Variants in GALNTL6 observed in about 807,000 individuals in gnomAD.
GALNTL6 encodes the protein polypeptide N-acetylgalactosaminyltransferase like 6, also known as polypeptide N-acetylgalactosaminyltransferase-like 6.
In GALNTL6, 46 loss-of-function variants were observed where a neutral mutation model predicts 73.7. The observed-to-expected ratio is 0.62, with a 90% CI of 0.49 to 0.80. The LOEUF is 0.80. Ranked by LOEUF, GALNTL6 falls within the 30% of genes least tolerant of loss-of-function variation. The probability of loss-of-function intolerance (pLI) is 0.00; values close to 1 mark genes in which losing one functional copy is unlikely to be tolerated. For synonymous variants in GALNTL6, 259 were observed against 263.7 expected (o/e 0.98, Z 0.17); for missense variants, 604 against 755.0 (o/e 0.80, Z 2.34).
At chr4:172,727,883 A>G (rs545065550) in intron 5 of GALNTL6, among the ~76,000 whole-genome samples, 1 of 151,166 alleles carries the variant, frequency 6.6e-6, no homozygotes, top group Non-Finnish European at 1.5e-5. Context: ...TTGTTTTTTT[A>G]TTGAGGTAAA....
At chr4:172,116,794 T>C (rs938044371) in intron 2 of GALNTL6, among the ~76,000 whole-genome samples, 3 of 152,196 alleles carry the variant, frequency 2.0e-5, no homozygotes, top group African/African-American at 7.2e-5. Flanking sequence ...TGAAAATATT[T>C]AGAAAATTTA....
At chr4:172,095,382 G>C (rs17058045) in intron 2 of GALNTL6, among the ~76,000 whole-genome samples, 5,019 of 152,076 alleles carry the variant, frequency 0.033, 272 homozygotes, top group African/African-American at 0.11. Flanking sequence ...GTGTACGAAG[G>C]GATGCAATAG....
At chr4:172,389,494 T>G (rs1743585974) in intron 5 of GALNTL6, among the ~76,000 whole-genome samples, 2 of 152,084 alleles carry the variant, frequency 1.3e-5, no homozygotes, top group African/African-American at 2.4e-5. Context: ...AAGTCGTGAA[T>G]GTAAATAAAA....
intron 8 of GALNTL6, among the ~76,000 whole-genome samples, chr4:172,884,072 C>CA (rs1462990445): frequency 3.3e-5 from 5 of 151,956 alleles, no homozygotes; most frequent in Non-Finnish European, 5.9e-5. Flanking sequence ...ACCATTGTCA[C>CA]AAAAAAATGG....
At chr4:172,702,504 C>T (rs1158951702) in intron 5 of GALNTL6, among the ~76,000 whole-genome samples, 2 of 151,856 alleles carry the variant, frequency 1.3e-5, no homozygotes, top group Non-Finnish European at 2.9e-5. Context: ...CCCACCCCGA[C>T]CCCCTCAAAA....
Position 172,336,270 on chromosome 4 carries a change from G to GTTTTTTTTTTTTTTT in GALNTL6, c.387-12249_387-12248insTTTTTTTTTTTTTTT, listed in dbSNP as rs138448149. 1.2e-4 allele frequency among the ~76,000 whole-genome samples: 13 copies of GTTTTTTTTTTTTTTT among 108,434 alleles called. 4 individuals are homozygous for GTTTTTTTTTTTTTTT. The highest frequency in any genetic ancestry group is 5.7e-4 in the East Asian group (2 of 3,496). 71.1% of individuals were successfully genotyped at this position (108,434 alleles called of 152,430 possible). A position where few individuals can be genotyped will look rare whatever the true frequency, so the allele number is the denominator to read the frequency against. On this transcript the variant is annotated intron_variant, in intron 4 of 12. Transcript: ENST00000506823. ...TGAGAACTCTTCTTGGTATAGTTTT[G>GTTTTTTTTTTTTTTT]TTTTGTTTTTTTTTTTTTTTGACTG...
rs566505962 is a variant in GALNTL6, at chr4:172,114,845, G to A, written c.139-114811G>A. 5.3e-4 allele frequency among the ~76,000 whole-genome samples: 80 copies of A among 151,992 alleles called. No homozygotes were observed. The South Asian group carries it at 0.016, about 31-fold the overall frequency. ...CTAGAGATAGAGATAAACTTTGCTC[G>A]AACCTCCAAATTTTATTACATACGA... is the stretch of plus-strand genomic sequence containing the variant. On this transcript the variant is annotated intron_variant, in intron 2 of 12. Coordinates refer to ENST00000506823, the MANE Select transcript of GALNTL6 (RefSeq NM_001034845.3).
intron 2 of GALNTL6, among the ~76,000 whole-genome samples, chr4:172,081,820 T>C (rs888410300): frequency 2.6e-5 from 4 of 151,688 alleles, no homozygotes; most frequent in Non-Finnish European, 5.9e-5. Context: ...TGGTGGATAA[T>C]GGAGAGAAGT....
chr4:171,946,841 T>C (rs139370380), intron 2 of GALNTL6, among the ~76,000 whole-genome samples: 32 of 151,308 alleles, frequency 2.1e-4, no homozygotes, highest in African/African-American at 7.5e-4. Flanking sequence ...GAAGAGAAGG[T>C]CTAGAACAAC....
chr4:172,122,827 C>G (rs1733188960), intron 2 of GALNTL6, among the ~76,000 whole-genome samples: 1 of 152,112 alleles, frequency 6.6e-6, no homozygotes, highest in African/African-American at 2.4e-5. Context: ...TGGGGGGAAC[C>G]CTTACCTGCT....
intron 3 of GALNTL6, among the ~76,000 whole-genome samples, chr4:172,245,887 T>C (rs1242299079): frequency 1.3e-5 from 2 of 152,174 alleles, no homozygotes; most frequent in African/African-American, 4.8e-5. Flanking sequence ...TGATGCTCTT[T>C]GCCTGAGTAG....
At chr4:172,293,992 T>A (rs1355343639) in intron 3 of GALNTL6, among the ~76,000 whole-genome samples, 1 of 151,628 alleles carries the variant, frequency 6.6e-6, no homozygotes, top group Admixed American at 6.6e-5. Context: ...ACGGTCATTT[T>A]TTTTTCTTGA....
intron 5 of GALNTL6, among the ~76,000 whole-genome samples, chr4:172,639,999 T>C (rs983280291): frequency 1.3e-5 from 2 of 152,116 alleles, no homozygotes; most frequent in African/African-American, 4.8e-5. Flanking sequence ...TCCCACATGT[T>C]ACCACCCCAT....
At chr4:172,862,882 G>A (rs1744469501) in intron 7 of GALNTL6, among the ~76,000 whole-genome samples, 1 of 152,160 alleles carries the variant, frequency 6.6e-6, no homozygotes, top group Non-Finnish European at 1.5e-5. Flanking sequence ...GAGCCTAGGA[G>A]GAAAAAATGG....
chr4:172,241,771 C>A (rs1737441716), intron 3 of GALNTL6, among the ~76,000 whole-genome samples: 1 of 152,156 alleles, frequency 6.6e-6, no homozygotes, highest in African/African-American at 2.4e-5. Context: ...CATATTTAAA[C>A]ATTATTGTTT....
At chr4:171,827,288 A>C (rs1294757825) in intron 2 of GALNTL6, among the ~76,000 whole-genome samples, 1 of 152,158 alleles carries the variant, frequency 6.6e-6, no homozygotes, top group East Asian at 1.9e-4. Context: ...CTGCCACTTA[A>C]TTATTTACAG....
At chr4:172,056,373 T>G (rs1731019308) in intron 2 of GALNTL6, among the ~76,000 whole-genome samples, 1 of 152,172 alleles carries the variant, frequency 6.6e-6, no homozygotes, top group Non-Finnish European at 1.5e-5. Context: ...TTAAAATATT[T>G]ACTTTGTTGA....
intron 10 of GALNTL6, among the ~76,000 whole-genome samples, chr4:172,968,608 G>T: frequency 6.6e-6 from 1 of 152,202 alleles, no homozygotes; most frequent in East Asian, 1.9e-4. Context: ...ACCAGAGAAG[G>T]AGGTATCAGA....
At chr4:172,465,488 A>G (rs1430706113) in intron 5 of GALNTL6, among the ~76,000 whole-genome samples, 1 of 152,104 alleles carries the variant, frequency 6.6e-6, no homozygotes, top group African/African-American at 2.4e-5. Flanking sequence ...AAAAAAGAAA[A>G]AAAAAGAAAA....
Sources: allele counts gnomAD v4.1 joint callset (sites outside exome capture counted in the v4.1 genomes callset), GRCh38; gene constraint gnomAD v4.1.1; transcripts MANE v1.5; gene names NCBI Gene and HGNC (gene_info 2026-07-23, HGNC 2026-07-21).